Variants in PPP2R3A observed in about 807,000 individuals in gnomAD.
PPP2R3A encodes protein phosphatase 2 regulatory subunit B''alpha, also known as serine/threonine-protein phosphatase 2A regulatory subunit B'' subunit alpha.
Under a neutral mutation model 106.9 loss-of-function variants are expected in PPP2R3A, and 80 were observed. The observed-to-expected ratio is 0.75, with a 90% confidence interval of 0.62 to 0.90. The LOEUF (loss-of-function observed/expected upper bound fraction) is 0.90, where lower values mean the gene tolerates loss of function less well. PPP2R3A is among the 40% of genes least tolerant of loss of function. PPP2R3A has a pLI of 0.00. For missense variants in PPP2R3A, 1,386 were observed against 1,350.4 expected (o/e 1.03, Z -0.41); for synonymous variants, 483 against 468.3 (o/e 1.03, Z -0.41).
In PPP2R3A at chr3:135,984,433, A is replaced by C. The variant is rs138721420; in HGVS notation, c.-440-16626A>C. The stretch of plus-strand genomic sequence containing the variant: ...AGAATTAAATTAGATGATGCATTTA[A>C]ATACTCAGCACAATCCTAGTAATAT... On this transcript the variant is annotated intron_variant, in intron 1 of 13. Transcript: ENST00000264977. 1.8e-4 allele frequency among the ~76,000 whole-genome samples: 28 copies of C among 152,270 alleles called. No individual in the cohort carries two copies. In the East Asian group the frequency reaches 4.4e-3, roughly 24 times the overall value.
chr3:136,082,195 G>A (rs988959284), intron 7 of PPP2R3A, 70 bp from the exon 8 acceptor site: 33 of 1,319,288 alleles, frequency 2.5e-5, no homozygotes, highest in African/African-American at 1.6e-4. Context: ...ACAGAAATTC[G>A]CTAGACTCTG....
chr3:136,023,277 C>T, intron 2 of PPP2R3A: 1 of 1,273,918 alleles, frequency 7.8e-7, no homozygotes, highest in Non-Finnish European at 1.1e-6. Context: ...TAAAACCATC[C>T]AGTGAACTAA....
intron 4 of PPP2R3A, among the ~76,000 whole-genome samples, chr3:136,041,238 GTTTTTTTTTTTGTTTTTTTTTTTGT>G (rs1935262726): frequency 2.2e-5 from 2 of 92,910 alleles, no homozygotes; most frequent in South Asian, 6.5e-4. Context: ...GGTTTTTCTT[GTTTTTTTTTTTGTTTTTTTTTTTGT>G]TTTTTTTTTT....
chr3:136,108,597 A>G (rs555943902), intron 13 of PPP2R3A, among the ~76,000 whole-genome samples: 3 of 152,236 alleles, frequency 2.0e-5, no homozygotes, highest in South Asian at 2.1e-4. Flanking sequence ...AAGGTCAGAA[A>G]TCACGCCATA....
chr3:136,134,749 A>T (rs1338113182), intron 13 of PPP2R3A, among the ~76,000 whole-genome samples: 1 of 143,202 alleles, frequency 7.0e-6, no homozygotes, highest in Non-Finnish European at 1.5e-5. Flanking sequence ...AATGGGAAAA[A>T]ATTATTTTTC....
chr3:136,106,175 T>G, intron 12 of PPP2R3A, 41 bp from the exon 13 acceptor site: 1 of 1,535,580 alleles, frequency 6.5e-7, no homozygotes, highest in Non-Finnish European at 8.9e-7. Flanking sequence ...TCTTTGTCTT[T>G]GATTTTTTTT....
At chr3:136,028,839 G>A (rs1236219423) in intron 3 of PPP2R3A, among the ~76,000 whole-genome samples, 2 of 151,436 alleles carry the variant, frequency 1.3e-5, no homozygotes, top group Admixed American at 1.3e-4. Context: ...GTTGTTTTTT[G>A]TTGTTGTTGT....
chr3:136,017,287 G>C (rs1010476724), intron 2 of PPP2R3A, among the ~76,000 whole-genome samples: 10 of 152,086 alleles, frequency 6.6e-5, no homozygotes, highest in Admixed American at 3.3e-4. Flanking sequence ...CCTGATGACT[G>C]TGCCTAGGCG....
At chr3:136,066,211 A>G (rs1349530167) in intron 5 of PPP2R3A, among the ~76,000 whole-genome samples, 1 of 152,218 alleles carries the variant, frequency 6.6e-6, no homozygotes, top group Non-Finnish European at 1.5e-5. Flanking sequence ...CAAACCTTCA[A>G]CAACCAGGTA....
chr3:136,046,625 C>T (rs1400784333), intron 4 of PPP2R3A, among the ~76,000 whole-genome samples: 1 of 152,172 alleles, frequency 6.6e-6, no homozygotes, highest in Non-Finnish European at 1.5e-5. Context: ...ACAGCAACAT[C>T]AAAAGATAAA....
intron 13 of PPP2R3A, among the ~76,000 whole-genome samples, chr3:136,143,746 GC>G (rs1938978000): frequency 6.6e-6 from 1 of 150,910 alleles, no homozygotes; most frequent in Non-Finnish European, 1.5e-5. Context: ...AGCCAAGATG[GC>G]CCCACTGTAC....
chr3:136,129,073 T>C (rs1938297695), intron 13 of PPP2R3A, among the ~76,000 whole-genome samples: 1 of 151,698 alleles, frequency 6.6e-6, no homozygotes, highest in African/African-American at 2.4e-5. Context: ...GCAGGAAAGA[T>C]CTAAAATCGA....
At chr3:136,071,557 A>T (rs931843650) in intron 6 of PPP2R3A, among the ~76,000 whole-genome samples, 5 of 152,174 alleles carry the variant, frequency 3.3e-5, no homozygotes, top group African/African-American at 1.2e-4. Context: ...CCCTGATATC[A>T]AACTTGGTTT....
chr3:136,083,259 C>T (rs1304888818), intron 8 of PPP2R3A, among the ~76,000 whole-genome samples: 2 of 152,182 alleles, frequency 1.3e-5, no homozygotes, highest in African/African-American at 4.8e-5. Context: ...ATTGTAGCTC[C>T]CATAATCCCC....
intron 1 of PPP2R3A, among the ~76,000 whole-genome samples, chr3:135,994,053 TG>T (rs1379123006): frequency 1.3e-5 from 2 of 152,210 alleles, no homozygotes; most frequent in African/African-American, 4.8e-5. Flanking sequence ...AAACTTAATA[TG>T]TTTTTTATTG....
chr3:136,115,232 C>T (rs553344230), intron 13 of PPP2R3A, among the ~76,000 whole-genome samples: 1 of 151,950 alleles, frequency 6.6e-6, no homozygotes, highest in South Asian at 2.1e-4. Flanking sequence ...ACTCAGAGAC[C>T]CCATCCAAAG....
At chr3:136,045,680 G>A (rs541605747) in intron 4 of PPP2R3A, among the ~76,000 whole-genome samples, 3 of 152,260 alleles carry the variant, frequency 2.0e-5, no homozygotes, top group Non-Finnish European at 2.9e-5. Context: ...CCAGCTGCAC[G>A]GCCAAGGCAG....
At chr3:136,069,767 C>T (rs1484524341) in intron 5 of PPP2R3A, among the ~76,000 whole-genome samples, 1 of 152,100 alleles carries the variant, frequency 6.6e-6, no homozygotes, top group Non-Finnish European at 1.5e-5. Flanking sequence ...ATAGCTATTT[C>T]CTCTGGTTAA....
intron 2 of PPP2R3A, among the ~76,000 whole-genome samples, chr3:136,011,455 A>C (rs564104081): frequency 6.6e-6 from 1 of 152,056 alleles, no homozygotes; most frequent in Non-Finnish European, 1.5e-5. Context: ...TAGTATTTAA[A>C]TTTTTCCTTA....
Sources: gnomAD v4.1 joint callset for allele counts (sites outside exome capture counted in the v4.1 genomes callset) on GRCh38, gnomAD v4.1.1 for gene constraint, MANE v1.5 for transcripts, NCBI Gene and HGNC (gene_info 2026-07-23, HGNC 2026-07-21) for gene names.